FAM3C: variants seen among roughly 807,000 people sequenced by gnomAD.
FAM3C encodes protein FAM3C.
FAM3C carries 15 observed loss-of-function variants against 32.5 expected under a neutral mutation model. That is an observed-to-expected ratio of 0.46 (90% confidence interval 0.31 to 0.71). The LOEUF (loss-of-function observed/expected upper bound fraction) is 0.71. FAM3C is among the 30% of genes least tolerant of loss of function. FAM3C has a pLI of 0.05. For missense variants in FAM3C, 175 were observed against 274.4 expected (o/e 0.64, Z 2.56); for synonymous variants, 75 against 86.1 (o/e 0.87, Z 0.72).
In FAM3C at chr7:121,360,317, C is replaced by T. The variant is rs185360230; in HGVS notation, c.383-190G>A. ...AAATTTGTCCCTTAACATAATCCCA[C>T]TATCAACTTACAATTTCCCATTCCT... On this transcript the variant is annotated intron_variant, in intron 7 of 9. Coordinates refer to ENST00000359943, the MANE Select transcript of FAM3C (RefSeq NM_014888.3). Among the ~76,000 whole-genome samples, 219 of 152,298 alleles carry T rather than the reference C, an allele frequency of 1.4e-3. 2 individuals carry two copies. The highest frequency in any genetic ancestry group is 1.5e-3 in the Non-Finnish European group (100 of 68,024).
intron 7 of FAM3C, chr7:121,362,673 C>A: frequency 2.2e-6 from 1 of 458,906 alleles, no homozygotes; most frequent in Non-Finnish European, 3.8e-6. Flanking sequence ...TTTGATATTA[C>A]TATCTTCAAT....
At chr7:121,391,107 A>C (rs1285319407) in intron 1 of FAM3C, among the ~76,000 whole-genome samples, 1 of 152,208 alleles carries the variant, frequency 6.6e-6, no homozygotes, top group Non-Finnish European at 1.5e-5. Context: ...AGTTTTTATT[A>C]TCTACCAAAG....
chr7:121,377,509 T>C (rs953920500), intron 3 of FAM3C, among the ~76,000 whole-genome samples: 1 of 152,168 alleles, frequency 6.6e-6, no homozygotes, highest in Admixed American at 6.5e-5. Context: ...TTATTTAATA[T>C]TATAAACAAC....
At chr7:121,386,803 T>C (rs1006109328) in intron 1 of FAM3C, among the ~76,000 whole-genome samples, 1 of 151,788 alleles carries the variant, frequency 6.6e-6, no homozygotes, top group Non-Finnish European at 1.5e-5. Context: ...CCCCAGAGCA[T>C]TTAAAGTAAA....
At chr7:121,381,751 TTC>T (rs1794362401) in intron 2 of FAM3C, among the ~76,000 whole-genome samples, 2 of 151,922 alleles carry the variant, frequency 1.3e-5, no homozygotes, top group South Asian at 2.1e-4. Flanking sequence ...AGTTCTTCGT[TTC>T]TGAGAATATT....
chr7:121,396,264 C>T lies in FAM3C; in HGVS notation c.-144G>A, dbSNP rs1357017544. Reference sequence around the variant, plus strand: ...GAGCCGCCGCCTCCAGCTCGCGCCTCCGCTTCCTCTCGGACTCCTCCGGCT... The same window carrying T: ...GAGCCGCCGCCTCCAGCTCGCGCCTTCGCTTCCTCTCGGACTCCTCCGGCT... On this transcript the variant is annotated 5_prime_UTR_variant, in exon 1 of 10. Transcript: ENST00000359943. The T allele has an allele frequency of 1.3e-5, 2 of 152,282 alleles. No individual in the cohort carries two copies. The highest frequency in any genetic ancestry group is 4.8e-5 in the African/African-American group (2 of 41,442). 9.4% of individuals were successfully genotyped at this position (152,282 alleles called of 1,614,324 possible). A position where few individuals can be genotyped will look rare whatever the true frequency, so the allele number is the denominator to read the frequency against.
intron 2 of FAM3C, among the ~76,000 whole-genome samples, chr7:121,379,404 CA>C (rs1763801774): frequency 1.3e-5 from 2 of 151,924 alleles, no homozygotes; most frequent in Non-Finnish European, 2.9e-5. Context: ...TTTTCAAAAA[CA>C]GTGGAACTTC....
Position 121,351,213 on chromosome 7 carries a change from T to C in FAM3C, c.524A>G (p.Asn175Ser), listed in dbSNP as rs751763318. The C allele has an allele frequency of 1.1e-5, 18 of 1,613,512 alleles. No individual in the cohort carries two copies. The highest frequency in any genetic ancestry group is 1.7e-5 in the Admixed American group (1 of 59,924). The part of the protein sequence containing the change: ...IADLGSTSIT[N>S]LGFRDNWVFC... ...GACCCAGTTGTCTCTAAAACCAAGA[T>C]TAGTAATAGATGTGCTCCCCAAATC... Residue 175 changes from asparagine (N) to serine (S), a missense_variant, in exon 9 of 10, where the codon AAT (asparagine) becomes AGT (serine). Transcript: ENST00000359943.
intron 8 of FAM3C, among the ~76,000 whole-genome samples, chr7:121,353,118 T>C (rs1793740721): frequency 6.6e-6 from 1 of 152,110 alleles, no homozygotes; most frequent in Non-Finnish European, 1.5e-5. Flanking sequence ...AAATGATGAA[T>C]GTGAAGTTCA....
intron 7 of FAM3C, among the ~76,000 whole-genome samples, chr7:121,360,464 C>T (rs1490151428): frequency 6.6e-6 from 1 of 152,098 alleles, no homozygotes; most frequent in Non-Finnish European, 1.5e-5. Context: ...TAATTGGGAT[C>T]CTGAAAACCT....
intron 8 of FAM3C, among the ~76,000 whole-genome samples, chr7:121,356,416 C>T (rs972569558): frequency 6.6e-6 from 1 of 152,154 alleles, no homozygotes; most frequent in African/African-American, 2.4e-5. Context: ...TACCAATTAG[C>T]TTCAAATACC....
At chr7:121,377,019 C>T (rs553687698) in intron 3 of FAM3C, among the ~76,000 whole-genome samples, 1 of 152,240 alleles carries the variant, frequency 6.6e-6, no homozygotes, top group African/African-American at 2.4e-5. Flanking sequence ...CACCAAATCT[C>T]ATCTTGAAAT....
chr7:121,370,902 G>T (rs766808215), intron 5 of FAM3C, among the ~76,000 whole-genome samples: 8 of 152,294 alleles, frequency 5.3e-5, no homozygotes, highest in Non-Finnish European at 1.0e-4. Context: ...TGTGGCCACT[G>T]AACACCTGAA....
intron 5 of FAM3C, among the ~76,000 whole-genome samples, chr7:121,369,135 C>T (rs1361762871): frequency 6.6e-6 from 1 of 151,900 alleles, no homozygotes; most frequent in Non-Finnish European, 1.5e-5. Context: ...CCATGTGCCA[C>T]CACGCCCGGC....
At chr7:121,377,131 A>G (rs1794253506) in intron 3 of FAM3C, among the ~76,000 whole-genome samples, 1 of 152,106 alleles carries the variant, frequency 6.6e-6, no homozygotes, top group Non-Finnish European at 1.5e-5. Flanking sequence ...GTGAGTTCTC[A>G]CAAGATCTGA....
intron 2 of FAM3C, among the ~76,000 whole-genome samples, chr7:121,379,862 G>A (rs549033035): frequency 2.0e-5 from 3 of 152,222 alleles, no homozygotes; most frequent in Admixed American, 6.5e-5. Context: ...TAAAAAATCC[G>A]AAAGAAACAC....
Position 121,360,097 on chromosome 7 carries a change from G to A in FAM3C, c.413C>T (p.Ala138Val), listed in dbSNP as rs567599690. 7 of 1,600,916 alleles carry A rather than the reference G, an allele frequency of 4.4e-6. No individual in the cohort carries two copies. In the East Asian group the frequency reaches 1.1e-4, roughly 26 times the overall value. The change falls in exon 8 of 10, where the codon GCC becomes GTC. Residue 138 changes from alanine to valine, a missense_variant. Ala to Val is a moderately conservative substitution (Grantham distance 64, BLOSUM62 0). Coordinates refer to ENST00000359943, the MANE Select transcript of FAM3C (RefSeq NM_014888.3). ...DVAPFIEFLKAIQDGTIVLMG... is the reference protein window; with the variant it reads ...DVAPFIEFLKVIQDGTIVLMG... ...TAAAACTATTGTTCCATCTTGTATG[G>A]CCTTCAGAAACTCAATAAATGGTGC...
At chr7:121,387,638 T>C (rs761984754) in intron 1 of FAM3C, among the ~76,000 whole-genome samples, 2 of 152,122 alleles carry the variant, frequency 1.3e-5, no homozygotes, top group African/African-American at 4.8e-5. Flanking sequence ...CAAATCTAGA[T>C]GCTGTTATGT....
At chr7:121,370,625 A>C (rs1167183293) in intron 5 of FAM3C, among the ~76,000 whole-genome samples, 1 of 152,162 alleles carries the variant, frequency 6.6e-6, no homozygotes, top group East Asian at 1.9e-4. Context: ...GGATATCAAA[A>C]ATCCTAAAAA....
Sources: gnomAD v4.1 joint callset for allele counts (sites outside exome capture counted in the v4.1 genomes callset) on GRCh38, gnomAD v4.1.1 for gene constraint, MANE v1.5 for transcripts, NCBI Gene and HGNC (gene_info 2026-07-23, HGNC 2026-07-21) for gene names.